Variants in ANGPTL2 observed in about 807,000 individuals in gnomAD.
ANGPTL2 encodes angiopoietin-related protein 2.
A neutral mutation model predicts 52.8 loss-of-function variants in ANGPTL2; 25 were observed. That is an observed-to-expected ratio of 0.47 (90% confidence interval 0.35 to 0.66). The LOEUF is 0.66. ANGPTL2 is among the 30% of genes least tolerant of loss of function. The pLI is 0.01. For synonymous variants in ANGPTL2, 276 were observed against 277.4 expected, an observed-to-expected ratio of 1.00 and a Z score of 0.05; for missense variants, 546 against 656.9, an observed-to-expected ratio of 0.83 and a Z score of 1.84.
intron 2 of ANGPTL2, among the ~76,000 whole-genome samples, chr9:127,099,302 G>A (rs1349990405): frequency 6.6e-6 from 1 of 152,228 alleles, no homozygotes; most frequent in African/African-American, 2.4e-5. Flanking sequence ...AGAGGCTTCT[G>A]TGATATCACT....
intron 4 of ANGPTL2, among the ~76,000 whole-genome samples, chr9:127,089,865 C>G (rs1277825847): frequency 6.6e-6 from 1 of 152,198 alleles, no homozygotes; most frequent in Non-Finnish European, 1.5e-5. Flanking sequence ...CCACTATCTG[C>G]CAGCATTGCT....
intron 2 of ANGPTL2, among the ~76,000 whole-genome samples, chr9:127,098,541 C>G (rs551931963): frequency 2.6e-5 from 4 of 152,294 alleles, no homozygotes; most frequent in African/African-American, 9.6e-5. Flanking sequence ...CACACAGGGT[C>G]TGGGGTCAGG....
chr9:127,116,041 C>T (rs970443929), intron 1 of ANGPTL2, among the ~76,000 whole-genome samples: 1 of 152,170 alleles, frequency 6.6e-6, no homozygotes, highest in Non-Finnish European at 1.5e-5. Flanking sequence ...CTCATAAGAC[C>T]ATTGAATGAA....
chr9:127,109,798 C>G (rs1564598353), intron 1 of ANGPTL2, among the ~76,000 whole-genome samples: 2 of 152,196 alleles, frequency 1.3e-5, no homozygotes, highest in Non-Finnish European at 2.9e-5. Context: ...GCACAACTGT[C>G]ACATGCTGTA....
chr9:127,096,445 G>C (rs1157329643), intron 2 of ANGPTL2, among the ~76,000 whole-genome samples: 1 of 152,168 alleles, frequency 6.6e-6, no homozygotes, highest in South Asian at 2.1e-4. Flanking sequence ...GCCTCTTACT[G>C]CACAGCTGCC....
chr9:127,113,782 G>A (rs2055109520), intron 1 of ANGPTL2, among the ~76,000 whole-genome samples: 2 of 152,216 alleles, frequency 1.3e-5, no homozygotes, highest in African/African-American at 4.8e-5. Flanking sequence ...GCCTCTCCAG[G>A]GCTTGGGTCC....
chr9:127,118,397 C>T (rs1243653593), intron 1 of ANGPTL2, among the ~76,000 whole-genome samples: 1 of 152,192 alleles, frequency 6.6e-6, no homozygotes, highest in African/African-American at 2.4e-5. Flanking sequence ...GGCTGAATAA[C>T]TCTTCTATTT....
In ANGPTL2 at chr9:127,108,443, G is replaced by A. The variant is rs150581056; in HGVS notation, c.289C>T (p.Leu97Phe). The stretch of plus-strand genomic sequence containing the variant: ...GTCTCGATCTGCCGCTTCTGCTTGA[G>A]CAGCTCATTGTTGAGCAGCTCTAGC... Reference protein sequence around the residue: ...QELELLNNELLKQKRQIETLQ... With the variant: ...QELELLNNELFKQKRQIETLQ... The change falls in exon 2 of 5, where the codon CTC becomes TTC. Residue 97 changes from leucine to phenylalanine, a missense_variant. Transcript: ENST00000373425. 5.9e-5 allele frequency: 95 copies of A among 1,609,794 alleles called. No individual in the cohort carries two copies. Among genetic ancestry groups the A allele is most frequent in the Non-Finnish European group, 7.6e-5 (90 of 1,179,268 alleles).
chr9:127,110,550 C>T (rs2054698281), intron 1 of ANGPTL2, among the ~76,000 whole-genome samples: 1 of 152,216 alleles, frequency 6.6e-6, no homozygotes, highest in African/African-American at 2.4e-5. Flanking sequence ...CTCCCCAGGA[C>T]TCTAGACTCA....
chr9:127,104,994 A>G (rs1185595659), intron 2 of ANGPTL2, among the ~76,000 whole-genome samples: 1 of 152,158 alleles, frequency 6.6e-6, no homozygotes, highest in Non-Finnish European at 1.5e-5. Context: ...TGTTCCGTGC[A>G]GAGAGACCAT....
rs2052408650 is a variant in ANGPTL2, at chr9:127,091,044, T to C, written c.1282+626A>G. Among the ~76,000 whole-genome samples, 2 of 152,250 alleles carry C rather than the reference T, an allele frequency of 1.3e-5. No individual in the cohort carries two copies. Among genetic ancestry groups the C allele is most frequent in the Non-Finnish European group, 2.9e-5 (2 of 68,050 alleles). ...ATCTGCTTTCCTCTTAATAGCTTCC[T>C]CTCAGCACTGCACTAGCATTACATG... On this transcript the variant is annotated intron_variant, in intron 4 of 4. Transcript: ENST00000373425. This position sits in a 1 kb window ranked among gnomAD's most constrained non-coding sequence, Gnocchi z 4.3.
At chr9:127,101,663 G>A (rs1463712222) in intron 2 of ANGPTL2, among the ~76,000 whole-genome samples, 1 of 152,178 alleles carries the variant, frequency 6.6e-6, no homozygotes, top group Non-Finnish European at 1.5e-5. Context: ...AAGGAAACCT[G>A]CTTTGTGGGA....
intron 2 of ANGPTL2, among the ~76,000 whole-genome samples, chr9:127,099,582 G>A (rs1371958689): frequency 3.9e-5 from 6 of 152,184 alleles, no homozygotes; most frequent in Admixed American, 2.6e-4. Context: ...ACACAGGGTC[G>A]GGGGATGGGG....
chr9:127,104,797 A>G (rs986245903), intron 2 of ANGPTL2, among the ~76,000 whole-genome samples: 1 of 152,232 alleles, frequency 6.6e-6, no homozygotes, highest in Non-Finnish European at 1.5e-5. Flanking sequence ...AAGGTTTGGA[A>G]GCTGCCAAGG....
At chr9:127,111,812 C>T (rs764792481) in intron 1 of ANGPTL2, among the ~76,000 whole-genome samples, 1 of 152,204 alleles carries the variant, frequency 6.6e-6, no homozygotes, top group Non-Finnish European at 1.5e-5. Flanking sequence ...GGTGGCAGAA[C>T]CAGGGCTCAA....
In ANGPTL2 at chr9:127,108,692, G is replaced by C; in HGVS notation, c.40C>G (p.Leu14Val). The change falls in exon 2 of 5, where the codon CTG (leucine) becomes GTG (valine). Residue 14 changes from leucine to valine, a missense_variant. Around this residue, in one of 2 missense-constraint regions of ANGPTL2, gnomAD observed 285 missense variants for 295.8 expected, o/e 0.96. Transcript: ENST00000373425. ...CCTGCAACAGCTCCCATGGCAGCCAGCAGTCCGAGCCACCAGCATGTCACG... is the reference window on the plus strand; with the variant it reads ...CCTGCAACAGCTCCCATGGCAGCCACCAGTCCGAGCCACCAGCATGTCACG... Reference protein sequence around the residue: ...LCVTCWWLGLLAAMGAVAGQE... With the variant: ...LCVTCWWLGLVAAMGAVAGQE... The C allele has an allele frequency of 1.2e-6, 2 of 1,613,038 alleles. No homozygotes were observed. The highest frequency in any genetic ancestry group is 1.7e-6 in the Non-Finnish European group (2 of 1,179,726).
chr9:127,102,560 C>T (rs1247571812), intron 2 of ANGPTL2, among the ~76,000 whole-genome samples: 1 of 152,160 alleles, frequency 6.6e-6, no homozygotes, highest in South Asian at 2.1e-4. Context: ...GATAGTTTAT[C>T]TCCTATGACT....
intron 1 of ANGPTL2, among the ~76,000 whole-genome samples, chr9:127,110,834 C>A (rs1291329309): frequency 6.6e-6 from 1 of 152,174 alleles, no homozygotes; most frequent in Non-Finnish European, 1.5e-5. Context: ...TCCCTGCCAC[C>A]ACCCTGTTGC....
rs563429146 is a variant in ANGPTL2, at chr9:127,108,065, G to A, written c.667C>T (p.Arg223Trp). The A allele has an allele frequency of 3.1e-6, 5 of 1,611,592 alleles. No individual in the cohort carries two copies. Among genetic ancestry groups the A allele is most frequent in the East Asian group, 2.2e-5 (1 of 44,790 alleles). ...TTGTAGGTGGGTGGTTGGTAGACCC[G>A]GGGCGGGGCAGCGGGGGGTGGCTGG... is the stretch of plus-strand genomic sequence containing the variant. Reference protein sequence around the residue: ...VPQPPPAAPPRVYQPPTYNRI... With the variant: ...VPQPPPAAPPWVYQPPTYNRI... Residue 223 changes from arginine to tryptophan, a missense_variant, in exon 2 of 5, where the codon CGG (arginine) becomes TGG (tryptophan). Physicochemically the swap from Arg to Trp is moderately radical, Grantham distance 101. This residue lies in a region of ANGPTL2 where 285 missense variants were observed against 295.8 expected (regional missense o/e 0.96). Transcript: ENST00000373425.
Sources: allele counts gnomAD v4.1 joint callset (sites outside exome capture counted in the v4.1 genomes callset), GRCh38; gene constraint gnomAD v4.1.1; regional missense constraint gnomAD v4.1.1; non-coding constraint Gnocchi (gnomAD v3.1); transcripts MANE v1.5; gene names NCBI Gene and HGNC (gene_info 2026-07-23, HGNC 2026-07-21).